Variants in NRXN1 observed in about 807,000 individuals in gnomAD.
The protein encoded by NRXN1 is neurexin-1.
In NRXN1, 39 loss-of-function variants were observed where a neutral mutation model predicts 150.9. The observed-to-expected ratio is 0.26, with a 90% CI of 0.20 to 0.34. NRXN1 has a LOEUF of 0.34. Among genes scored for constraint, NRXN1 ranks in the 10% least tolerant of loss-of-function variants. The pLI is 1.00. For synonymous variants in NRXN1, 924 were observed against 757.0 expected (o/e 1.22, Z -3.62); for missense variants, 1,815 against 1,949.9 (o/e 0.93, Z 1.30).
In NRXN1 at chr2:50,132,306, C is replaced by CTTTTT. The variant is rs71401059; in HGVS notation, c.3547-40817_3547-40813dup. ...ATGCGATAGTTTATGTCCCAAAACTCTTTTTTTTTTTTTTTTTAAGATGGA... is the reference window on the plus strand; with the variant it reads ...ATGCGATAGTTTATGTCCCAAAACTCTTTTTTTTTTTTTTTTTTTTTTAAGATGGA... On this transcript the variant is annotated intron_variant, in intron 18 of 22. Transcript: ENST00000401669. Among the ~76,000 whole-genome samples the CTTTTT allele has an allele frequency of 1.0e-4, 14 of 139,388 alleles. 2 individuals are homozygous for CTTTTT. Among genetic ancestry groups the CTTTTT allele is most frequent in the Admixed American group, 1.4e-4 (2 of 14,008 alleles). 91.4% of individuals were successfully genotyped at this position (139,388 alleles called of 152,430 possible). A position where few individuals can be genotyped will look rare whatever the true frequency, so the allele number is the denominator to read the frequency against.
intron 18 of NRXN1, among the ~76,000 whole-genome samples, chr2:50,136,971 G>A (rs1706501753): frequency 6.6e-6 from 1 of 152,066 alleles, no homozygotes; most frequent in East Asian, 1.9e-4. Context: ...CAATATCAAA[G>A]CATTTCTAAT....
intron 16 of NRXN1, among the ~76,000 whole-genome samples, chr2:50,471,725 T>C (rs2089484512): frequency 6.6e-6 from 1 of 151,712 alleles, no homozygotes; most frequent in Non-Finnish European, 1.5e-5. Flanking sequence ...CACTGGGGCC[T>C]ACTGGAGGGT....
chr2:50,501,367 G>C (rs748766054), intron 13 of NRXN1, among the ~76,000 whole-genome samples: 29 of 149,218 alleles, frequency 1.9e-4, no homozygotes, highest in Non-Finnish European at 3.1e-4. Context: ...TGAAGCAGGG[G>C]TTAACCATGA....
intron 2 of NRXN1, among the ~76,000 whole-genome samples, chr2:50,944,640 T>A (rs1341603761): frequency 1.3e-5 from 2 of 152,184 alleles, no homozygotes; most frequent in East Asian, 3.8e-4. Context: ...AAAAGGAAAT[T>A]GTATACTGAG....
At chr2:50,312,286 G>A (rs1003337412) in intron 17 of NRXN1, among the ~76,000 whole-genome samples, 9 of 152,048 alleles carry the variant, frequency 5.9e-5, no homozygotes, top group Admixed American at 5.9e-4. Flanking sequence ...GAAGAATTAT[G>A]CTATTGGAAG....
rs945609088 is a variant in NRXN1, at chr2:50,218,407, T to C, written c.3546+18382A>G. Among the ~76,000 whole-genome samples, 9 of 151,910 alleles carry C rather than the reference T, an allele frequency of 5.9e-5. 1 individual carries two copies. The highest frequency in any genetic ancestry group is 4.1e-4 in the South Asian group (2 of 4,832). ...TATGAATACCATCCTTTCTGACAAA[T>C]GGTGATGATTCTCTCAAAATGGAAG... On this transcript the variant is annotated intron_variant, in intron 18 of 22. Transcript: ENST00000401669.
intron 17 of NRXN1, among the ~76,000 whole-genome samples, chr2:50,355,342 C>A (rs1308157255): frequency 6.6e-6 from 1 of 150,730 alleles, no homozygotes; most frequent in Non-Finnish European, 1.5e-5. Flanking sequence ...ATTCTGATGT[C>A]AATACTATAG....
intron 17 of NRXN1, among the ~76,000 whole-genome samples, chr2:50,312,925 T>C (rs902470045): frequency 2.6e-5 from 4 of 152,116 alleles, no homozygotes; most frequent in African/African-American, 7.2e-5. Flanking sequence ...AGAATTCTGA[T>C]GGAGTTCTTG....
At chr2:50,639,135 C>A (rs1446214022) in intron 5 of NRXN1, among the ~76,000 whole-genome samples, 1 of 151,896 alleles carries the variant, frequency 6.6e-6, no homozygotes, top group Non-Finnish European at 1.5e-5. Context: ...ATGCATTGGA[C>A]TAGAATTTGG....
chr2:50,587,918 T>C (rs1673438708), intron 8 of NRXN1, among the ~76,000 whole-genome samples: 1 of 152,060 alleles, frequency 6.6e-6, no homozygotes, highest in African/African-American at 2.4e-5. Context: ...GCAAACAAAA[T>C]AAGATGAAAA....
intron 8 of NRXN1, among the ~76,000 whole-genome samples, chr2:50,597,215 G>C (rs1410028122): frequency 6.6e-6 from 1 of 152,052 alleles, no homozygotes; most frequent in Non-Finnish European, 1.5e-5. Flanking sequence ...TCTGTCTTAG[G>C]CTTTAGTTGG....
chr2:50,995,011 G>A (rs771774096), intron 2 of NRXN1, among the ~76,000 whole-genome samples: 7 of 150,996 alleles, frequency 4.6e-5, no homozygotes, highest in African/African-American at 1.7e-4. Context: ...AGAAATATAG[G>A]GTAATAACAT....
chr2:50,588,516 T>C (rs929560576), intron 8 of NRXN1, among the ~76,000 whole-genome samples: 1 of 152,180 alleles, frequency 6.6e-6, no homozygotes, highest in East Asian at 1.9e-4. Flanking sequence ...TCCGACTTCA[T>C]CCATTACTGA....
chr2:49,973,319 G>T (rs1389019364), intron 21 of NRXN1, among the ~76,000 whole-genome samples: 2 of 152,014 alleles, frequency 1.3e-5, no homozygotes, highest in African/African-American at 4.8e-5. Context: ...CAGAATTAAT[G>T]TAAGTAAATG....
intron 17 of NRXN1, among the ~76,000 whole-genome samples, chr2:50,403,269 G>T (rs2082519547): frequency 6.6e-6 from 1 of 152,084 alleles, no homozygotes; most frequent in Admixed American, 6.6e-5. Context: ...GGTGCTCCTT[G>T]TTTGCTTGAT....
chr2:50,896,050 C>T (rs991326212), intron 5 of NRXN1, among the ~76,000 whole-genome samples: 1 of 152,006 alleles, frequency 6.6e-6, no homozygotes, highest in Non-Finnish European at 1.5e-5. Flanking sequence ...CTAAAAAAGC[C>T]CTGATAATGT....
chr2:50,212,366 C>T (rs1026553688), intron 18 of NRXN1, among the ~76,000 whole-genome samples: 2 of 150,850 alleles, frequency 1.3e-5, no homozygotes, highest in Non-Finnish European at 3.0e-5. Context: ...GATTATTTCA[C>T]CCATTAAGTT....
At chr2:50,397,483 T>C (rs1412869151) in intron 17 of NRXN1, among the ~76,000 whole-genome samples, 14 of 152,162 alleles carry the variant, frequency 9.2e-5, no homozygotes, top group Admixed American at 9.2e-4. Flanking sequence ...TAGGTGCCAT[T>C]ATTACAGCCA....
At chr2:50,765,462 A>G (rs1468733949) in intron 5 of NRXN1, among the ~76,000 whole-genome samples, 1 of 152,034 alleles carries the variant, frequency 6.6e-6, no homozygotes, top group Non-Finnish European at 1.5e-5. Flanking sequence ...TTTCCTTGTC[A>G]TCCCTCTTTC....
Sources: gnomAD v4.1 joint callset for allele counts (sites outside exome capture counted in the v4.1 genomes callset) on GRCh38, gnomAD v4.1.1 for gene constraint, MANE v1.5 for transcripts, NCBI Gene and HGNC (gene_info 2026-07-23, HGNC 2026-07-21) for gene names.